FN3K: variants seen among roughly 807,000 people sequenced by gnomAD.
The protein encoded by FN3K is fructosamine-3-kinase.
In FN3K, 24 loss-of-function variants were observed where a neutral mutation model predicts 24.8. That is an observed-to-expected ratio of 0.97 (90% confidence interval 0.70 to 1.36). FN3K has a LOEUF of 1.36. Among genes scored for constraint, FN3K ranks in the 40% most tolerant of loss-of-function variants. The pLI is 0.00. For synonymous variants in FN3K, 192 were observed against 175.2 expected, an observed-to-expected ratio of 1.10 and a Z score of -0.76; for missense variants, 449 against 416.7, an observed-to-expected ratio of 1.08 and a Z score of -0.67.
At chr17:82,745,067 AC>A (rs1419951433) in intron 4 of FN3K, 1 of 153,148 alleles carries the variant, frequency 6.5e-6, no homozygotes, top group Admixed American at 6.5e-5. Context: ...CCTCCTCAGT[AC>A]AGACCCTTTA....
At chr17:82,739,090 G>C (rs1188556972) in intron 2 of FN3K, among the ~76,000 whole-genome samples, 1 of 150,902 alleles carries the variant, frequency 6.6e-6, no homozygotes, top group African/African-American at 2.4e-5. Context: ...TGGGACTACA[G>C]GTGTCCACCA....
chr17:82,741,208 T>C (rs2046939303), intron 3 of FN3K, 103 bp from the exon 4 acceptor site: 2 of 1,003,136 alleles, frequency 2.0e-6, no homozygotes, highest in Non-Finnish European at 3.1e-6. Flanking sequence ...AGACCACCTA[T>C]ATTCTAGCAT....
intron 5 of FN3K, 83 bp from the exon 6 acceptor site, chr17:82,750,334 G>C (rs2047000013): frequency 8.0e-7 from 1 of 1,254,746 alleles, no homozygotes; most frequent in South Asian, 1.2e-5. Flanking sequence ...GATCGCGAGT[G>C]GGCTTTGCCT....
intron 1 of FN3K, among the ~76,000 whole-genome samples, chr17:82,737,463 C>G (rs1173438604): frequency 6.6e-6 from 1 of 152,072 alleles, no homozygotes; most frequent in Non-Finnish European, 1.5e-5. Flanking sequence ...GCTGGGACTA[C>G]AGGTGCCCGC....
intron 1 of FN3K, among the ~76,000 whole-genome samples, chr17:82,736,771 C>T (rs1037658969): frequency 2.0e-5 from 3 of 152,164 alleles, no homozygotes; most frequent in East Asian, 1.9e-4. Flanking sequence ...TCGGATCCTC[C>T]GGCATCACCT....
Position 82,741,354 on chromosome 17 carries a change from C to T in FN3K, c.429C>T (p.Phe143=), listed in dbSNP as rs566893191. Reference sequence around the variant, plus strand: ...CTGAGCCTCAGTATGTGGACAAGTTCGGCTTCCACACGGTGACGTGCTGCG... The same window carrying T: ...CTGAGCCTCAGTATGTGGACAAGTTTGGCTTCCACACGGTGACGTGCTGCG... ...EGAEPQYVDK[F]GFHTVTCCGF... is the part of the protein sequence containing the mutation. The change falls in exon 4 of 6, where the codon TTC becomes TTT. Residue 143 remains phenylalanine (F), a synonymous_variant. Transcript: ENST00000300784. 57 of 1,613,774 alleles carry T rather than the reference C, an allele frequency of 3.5e-5. No individual in the cohort carries two copies. The highest frequency in any genetic ancestry group is 4.4e-5 in the Non-Finnish European group (52 of 1,179,918).
chr17:82,739,104 C>A (rs2046925639), intron 2 of FN3K, among the ~76,000 whole-genome samples: 2 of 150,858 alleles, frequency 1.3e-5, no homozygotes, highest in South Asian at 4.2e-4. Context: ...TCCACCACCA[C>A]ACCTGACTAA....
chr17:82,735,790 G>T lies in FN3K; in HGVS notation c.141+13G>T. The T allele has an allele frequency of 6.4e-7, 1 of 1,555,186 alleles. No homozygotes were observed. The highest frequency in any genetic ancestry group is 1.4e-5 in the African/African-American group (1 of 73,860). On this transcript the variant is annotated intron_variant, in intron 1 of 5. Coordinates refer to ENST00000300784, the MANE Select transcript of FN3K (RefSeq NM_022158.4). The stretch of plus-strand genomic sequence containing the variant: ...CCGCAGGACGCAGGTGCTGGCCCGT[G>T]CGCAGGCGGGGGCTCTGCGGGTCTC...
Position 82,750,847 on chromosome 17 carries a change from T to TC in FN3K, c.*97dup. The TC allele has an allele frequency of 2.4e-6, 2 of 824,158 alleles. No individual in the cohort carries two copies. Among genetic ancestry groups the TC allele is most frequent in the Non-Finnish European group, 1.7e-6 (1 of 578,122 alleles). The allele number at this position is 824,158 out of a possible 1,614,324, so 51.1% of individuals were successfully genotyped here. A position where few individuals can be genotyped will look rare whatever the true frequency, so the allele number is the denominator to read the frequency against. ...CCCCGTCCCTGTGCCCCCGTCCCTG[T>TC]CCCCCTGTTCCCGTCTCCCCGTCCC... On this transcript the variant is annotated 3_prime_UTR_variant, in exon 6 of 6. Coordinates refer to ENST00000300784, the MANE Select transcript of FN3K (RefSeq NM_022158.4).
At position 82,750,516 on chromosome 17, in the gene FN3K, A is replaced by G. The variant is rs1449170152; in HGVS notation, c.691A>G (p.Ile231Val). The G allele has an allele frequency of 6.2e-6, 10 of 1,614,010 alleles. No individual in the cohort carries two copies. The African/African-American group carries it at 9.3e-5, about 15-fold the overall frequency. The change falls in exon 6 of 6, where the codon ATT (isoleucine) becomes GTT (valine). Residue 231 changes from isoleucine to valine, a missense_variant. By Grantham distance (29) the Ile-to-Val change is conservative. Transcript: ENST00000300784. ...CGTGGCTGAGGACGACGTGGGGCCC[A>G]TTATTTACGACCCGGCTTCCTTCTA... is the stretch of plus-strand genomic sequence containing the variant. ...GNVAEDDVGP[I>V]IYDPASFYGH... is the part of the protein sequence containing the mutation.
At chr17:82,738,427 G>A (rs2046918464) in intron 1 of FN3K, 62 bp from the exon 2 acceptor site, 3 of 1,606,466 alleles carry the variant, frequency 1.9e-6, no homozygotes. Flanking sequence ...TCTGTCAAGG[G>A]CCCAGTGGGC....
rs555125170 is a variant in FN3K at position 82,740,395 on chromosome 17, G to A, written c.294-368G>A. On this transcript the variant is annotated intron_variant, in intron 2 of 5. Transcript: ENST00000300784. ...TGTAATCCCAGTATTTTGGAAAGCC[G>A]AGGCAGGAGGAGACCCCATCTCTAC... 7.2e-5 allele frequency among the ~76,000 whole-genome samples: 10 copies of A among 138,910 alleles called. No homozygotes were observed. The East Asian group carries it at 1.5e-3, about 21-fold the overall frequency. 91.1% of individuals were successfully genotyped at this position (138,910 alleles called of 152,430 possible).
intron 2 of FN3K, among the ~76,000 whole-genome samples, chr17:82,738,950 T>A (rs1040358874): frequency 0.022 from 2,425 of 108,818 alleles, 70 homozygotes; most frequent in Non-Finnish European, 0.027. Flanking sequence ...ATATATATTT[T>A]TTTTTTTTTT....
chr17:82,740,510 T>G lies in FN3K; in HGVS notation c.294-253T>G, dbSNP rs998107598. Among the ~76,000 whole-genome samples, 3 of 151,306 alleles carry G rather than the reference T, an allele frequency of 2.0e-5. No homozygotes were observed. In the East Asian group the frequency reaches 5.8e-4, roughly 29 times the overall value. On this transcript the variant is annotated intron_variant, in intron 2 of 5. Transcript: ENST00000300784. ...GTGAGGCTGAGGTGGAAGGATTGCT[T>G]GAGCCCTAGAAGTCAAAGCTGCAGT...
In FN3K at chr17:82,741,864, A is replaced by G. The variant is rs565126642; in HGVS notation, c.468+471A>G. On this transcript the variant is annotated intron_variant, in intron 4 of 5. Coordinates refer to ENST00000300784, the MANE Select transcript of FN3K (RefSeq NM_022158.4). ...TTTAGTACATTCGTGATGGTGTGCA[A>G]CCATCACTGCTGTTTAACTCCAGAA... 3.3e-5 allele frequency among the ~76,000 whole-genome samples: 5 copies of G among 152,350 alleles called. No individual in the cohort carries two copies. The East Asian group carries it at 9.6e-4, about 29-fold the overall frequency.
rs758122886 is a variant in FN3K at position 82,750,726 on chromosome 17, T to C, written c.901T>C (p.Leu301=). Residue 301 remains leucine (L), a synonymous_variant, in exon 6 of 6, where the codon TTG becomes CTG. Coordinates refer to ENST00000300784, the MANE Select transcript of FN3K (RefSeq NM_022158.4). ...CGGGCGGGAGTACAGGAGCCCTTCC[T>C]TGGGCACCATGCGAAGGCTGCTCAA... ...HFGREYRSPS[L]GTMRRLLK 1 of 1,613,268 alleles carries C rather than the reference T, an allele frequency of 6.2e-7. No individual in the cohort carries two copies. The highest frequency in any genetic ancestry group is 8.5e-7 in the Non-Finnish European group (1 of 1,179,914).
intron 1 of FN3K, chr17:82,738,275 G>A (rs1260075884): frequency 8.4e-6 from 5 of 598,136 alleles, no homozygotes; most frequent in African/African-American, 1.9e-5. Context: ...CACCCCTCAC[G>A]GCCCAGGCTC....
chr17:82,746,647 C>T (rs1406702157), intron 4 of FN3K, among the ~76,000 whole-genome samples: 1 of 151,580 alleles, frequency 6.6e-6, no homozygotes, highest in African/African-American at 2.4e-5. Context: ...CTAAAAATAC[C>T]AAAACATTAG....
chr17:82,737,996 T>A (rs975150361), intron 1 of FN3K: 1 of 161,656 alleles, frequency 6.2e-6, no homozygotes, highest in Admixed American at 5.9e-5. Flanking sequence ...GGGTGTGCCG[T>A]GCCTTTTACC....
Sources: allele counts gnomAD v4.1 joint callset (sites outside exome capture counted in the v4.1 genomes callset), GRCh38; gene constraint gnomAD v4.1.1; transcripts MANE v1.5; gene names NCBI Gene and HGNC (gene_info 2026-07-23, HGNC 2026-07-21).